Variants in LRP1B observed in about 807,000 individuals in gnomAD.
LRP1B encodes the protein low-density lipoprotein receptor-related protein 1B.
LRP1B carries 217 observed loss-of-function variants against 556.6 expected under a neutral mutation model. That is an observed-to-expected ratio of 0.39 (90% CI 0.35 to 0.44). LRP1B has a LOEUF of 0.44. Among genes scored for constraint, LRP1B ranks in the 20% least tolerant of loss-of-function variants. The pLI, the probability that LRP1B is intolerant of heterozygous loss-of-function variation, is 1.00. For synonymous variants in LRP1B, 2,047 were observed against 1,865.8 expected (o/e 1.10, Z -2.50); for missense variants, 5,053 against 5,620.8 (o/e 0.90, Z 3.23).
chr2:140,542,732 C>T (rs753083771), intron 43 of LRP1B, among the ~76,000 whole-genome samples: 12 of 152,042 alleles, frequency 7.9e-5, no homozygotes, highest in Non-Finnish European at 1.6e-4. Flanking sequence ...ATAAAAGTTA[C>T]GGGAAGTGAA....
intron 84 of LRP1B, among the ~76,000 whole-genome samples, chr2:140,275,560 T>C (rs76098058): frequency 0.15 from 22,407 of 151,910 alleles, 2,129 homozygotes; most frequent in East Asian, 0.32. Context: ...CCTGTACACG[T>C]AGCAGAACAA....
intron 66 of LRP1B, among the ~76,000 whole-genome samples, chr2:140,400,061 G>C (rs1009957829): frequency 1.3e-5 from 2 of 152,136 alleles, no homozygotes; most frequent in African/African-American, 4.8e-5. Context: ...TGTAGAGATG[G>C]CCTTAGGTTC....
At chr2:141,484,546 C>A (rs1171493416) in intron 2 of LRP1B, among the ~76,000 whole-genome samples, 2 of 152,086 alleles carry the variant, frequency 1.3e-5, no homozygotes, top group African/African-American at 2.4e-5. Context: ...CTATAAATTA[C>A]CTTGGGCAGT....
intron 7 of LRP1B, among the ~76,000 whole-genome samples, chr2:141,140,899 T>C (rs151336507): frequency 8.1e-4 from 124 of 152,206 alleles, no homozygotes; most frequent in African/African-American, 2.9e-3. Flanking sequence ...CTTATATAAA[T>C]TTAATACAGG....
intron 7 of LRP1B, among the ~76,000 whole-genome samples, chr2:141,082,436 G>C (rs1699947749): frequency 6.6e-6 from 1 of 152,154 alleles, no homozygotes; most frequent in Admixed American, 6.5e-5. Flanking sequence ...TATTCTACCT[G>C]GTTTGTGAAG....
At chr2:140,826,084 C>CTTCAGA (rs1202172489) in intron 31 of LRP1B, among the ~76,000 whole-genome samples, 1 of 152,188 alleles carries the variant, frequency 6.6e-6, no homozygotes, top group African/African-American at 2.4e-5. Context: ...ATTTTGTCGT[C>CTTCAGA]TTCAGCTTCA....
intron 7 of LRP1B, among the ~76,000 whole-genome samples, chr2:141,159,103 G>A (rs1208766086): frequency 1.3e-5 from 2 of 152,100 alleles, no homozygotes; most frequent in Admixed American, 6.6e-5. Context: ...AAGACAAAAT[G>A]TATGAAGTTA....
chr2:140,468,927 C>T (rs111943245), intron 60 of LRP1B, among the ~76,000 whole-genome samples: 2,288 of 152,216 alleles, frequency 0.015, 58 homozygotes, highest in African/African-American at 0.05. Flanking sequence ...GATAACATGT[C>T]TGATTTTACA....
chr2:140,420,563 C>T (rs571607090), intron 66 of LRP1B, among the ~76,000 whole-genome samples: 5 of 152,282 alleles, frequency 3.3e-5, no homozygotes, highest in African/African-American at 1.2e-4. Flanking sequence ...CATGAATGCT[C>T]ATAGCAGTTT....
chr2:140,508,759 G>A (rs1689523615), intron 52 of LRP1B, among the ~76,000 whole-genome samples: 1 of 152,066 alleles, frequency 6.6e-6, no homozygotes, highest in African/African-American at 2.4e-5. Context: ...AGTACAATTT[G>A]CTGCATTTTA....
intron 55 of LRP1B, among the ~76,000 whole-genome samples, chr2:140,496,071 T>C (rs1170713626): frequency 6.6e-6 from 1 of 152,202 alleles, no homozygotes; most frequent in Non-Finnish European, 1.5e-5. Context: ...TATTTTTCTA[T>C]TGCATTACAT....
chr2:141,649,397 T>C (rs186602329), intron 2 of LRP1B, among the ~76,000 whole-genome samples: 1 of 152,328 alleles, frequency 6.6e-6, no homozygotes, highest in East Asian at 1.9e-4. Context: ...CAATATTCTC[T>C]TCTTACCATA....
At chr2:142,001,165 C>A (rs1260558045) in intron 1 of LRP1B, among the ~76,000 whole-genome samples, 1 of 152,146 alleles carries the variant, frequency 6.6e-6, no homozygotes, top group Non-Finnish European at 1.5e-5. Flanking sequence ...GTCCATTAAA[C>A]CTCTTTTTCT....
intron 2 of LRP1B, among the ~76,000 whole-genome samples, chr2:141,570,632 G>A (rs992559873): frequency 1.3e-5 from 2 of 150,882 alleles, no homozygotes; most frequent in Non-Finnish European, 3.0e-5. Flanking sequence ...ACTGGAACTG[G>A]CAACTGCCTA....
intron 66 of LRP1B, among the ~76,000 whole-genome samples, chr2:140,438,425 C>CTATA (rs1187328893): frequency 6.6e-6 from 1 of 152,104 alleles, no homozygotes; most frequent in African/African-American, 2.4e-5. Flanking sequence ...TAGCTTATAG[C>CTATA]TATATATAGC....
chr2:141,472,942 C>T (rs999276177), intron 3 of LRP1B, among the ~76,000 whole-genome samples: 3 of 152,132 alleles, frequency 2.0e-5, no homozygotes, highest in African/African-American at 7.2e-5. Context: ...AAGGAATTAA[C>T]TTCCAATCAA....
chr2:141,114,810 T>C (rs751395662), intron 7 of LRP1B, among the ~76,000 whole-genome samples: 1 of 152,070 alleles, frequency 6.6e-6, no homozygotes, highest in Non-Finnish European at 1.5e-5. Context: ...AAATTCGTAA[T>C]TAAGTGTGTG....
intron 1 of LRP1B, among the ~76,000 whole-genome samples, chr2:141,906,063 G>A (rs1444658508): frequency 6.6e-6 from 1 of 151,154 alleles, no homozygotes; most frequent in African/African-American, 2.4e-5. Context: ...CTAGACAAGT[G>A]GGAGGGGGAA....
intron 66 of LRP1B, among the ~76,000 whole-genome samples, chr2:140,411,244 A>G (rs1268433405): frequency 2.6e-5 from 4 of 152,132 alleles, no homozygotes; most frequent in Non-Finnish European, 4.4e-5. Context: ...TGAATTCATT[A>G]TTTTAATATA....
Sources: allele counts gnomAD v4.1 joint callset (sites outside exome capture counted in the v4.1 genomes callset), GRCh38; gene constraint gnomAD v4.1.1; transcripts MANE v1.5; gene names NCBI Gene and HGNC (gene_info 2026-07-23, HGNC 2026-07-21).